Variants in DNAI4 observed in about 807,000 individuals in gnomAD.
DNAI4 encodes WD repeat domain 78.
In DNAI4, 85 loss-of-function variants were observed where a neutral mutation model predicts 105.8. That is an observed-to-expected ratio of 0.80 (90% CI 0.67 to 0.96). DNAI4 has a LOEUF of 0.96. DNAI4 is among the 40% of genes least tolerant of loss of function. The pLI is 0.00. For synonymous variants in DNAI4, 352 were observed against 331.5 expected (o/e 1.06, Z -0.67); for missense variants, 1,014 against 1,005.6 (o/e 1.01, Z -0.11).
chr1:66,869,757 A>G (rs1646802760), intron 6 of DNAI4, among the ~76,000 whole-genome samples: 1 of 152,194 alleles, frequency 6.6e-6, no homozygotes. Flanking sequence ...CCACAGGCCT[A>G]ACAATGTTGA....
chr1:66,826,905 C>T lies in DNAI4; in HGVS notation c.2254G>A (p.Asp752Asn), dbSNP rs375105342. The stretch of plus-strand genomic sequence containing the variant: ...GATGATTTTGGAGACCAGGCAACGT[C>T]GTAAACAACAGAAGTAGCTGGATAA... Reference protein sequence around the residue: ...SFYPATSVVYDVAWSPKSSYI... With the variant: ...SFYPATSVVYNVAWSPKSSYI... The change falls in exon 15 of 17, where the codon GAC (aspartate) becomes AAC (asparagine). Residue 752 changes from aspartate (D) to asparagine (N), a missense_variant. By Grantham distance (23) the Asp-to-Asn change is conservative. Coordinates refer to ENST00000371026, the MANE Select transcript of DNAI4 (RefSeq NM_024763.5). 36 of 1,614,018 alleles carry T rather than the reference C, an allele frequency of 2.2e-5. No individual in the cohort carries two copies. Among genetic ancestry groups the T allele is most frequent in the South Asian group, 3.3e-5 (3 of 91,090 alleles).
chr1:66,915,498 AAAT>A (rs1649998106), intron 1 of DNAI4, among the ~76,000 whole-genome samples: 1 of 152,224 alleles, frequency 6.6e-6, no homozygotes, highest in Non-Finnish European at 1.5e-5. Context: ...TAAACAATTA[AAAT>A]AATTAGGTAA....
intron 7 of DNAI4, among the ~76,000 whole-genome samples, chr1:66,853,783 T>C (rs1646444343): frequency 6.6e-6 from 1 of 152,184 alleles, no homozygotes; most frequent in Non-Finnish European, 1.5e-5. Context: ...GCAGAAAGAC[T>C]GAATTGTTTC....
At chr1:66,863,941 A>C (rs1389909717) in intron 6 of DNAI4, among the ~76,000 whole-genome samples, 2 of 152,190 alleles carry the variant, frequency 1.3e-5, no homozygotes, top group East Asian at 3.8e-4. Context: ...GAATTACTCA[A>C]CTTTCTTTTT....
chr1:66,905,733 T>C (rs990270134), intron 1 of DNAI4, among the ~76,000 whole-genome samples: 1 of 152,122 alleles, frequency 6.6e-6, no homozygotes, highest in Non-Finnish European at 1.5e-5. Flanking sequence ...AAAATGAGGA[T>C]AATAACAGTA....
intron 2 of DNAI4, among the ~76,000 whole-genome samples, chr1:66,897,372 G>T (rs922701835): frequency 1.1e-4 from 17 of 152,142 alleles, no homozygotes; most frequent in African/African-American, 3.4e-4. Context: ...TAATCAAAAG[G>T]GAAGCAAAGC....
intron 11 of DNAI4, among the ~76,000 whole-genome samples, chr1:66,835,206 A>AGATT (rs1173367026): frequency 8.4e-6 from 1 of 119,382 alleles, no homozygotes; most frequent in East Asian, 1.9e-4. Context: ...ATAGATAGAT[A>AGATT]GATAGATAGA....
At chr1:66,858,862 G>T (rs1051695439) in intron 7 of DNAI4, among the ~76,000 whole-genome samples, 1 of 152,080 alleles carries the variant, frequency 6.6e-6, no homozygotes, top group Non-Finnish European at 1.5e-5. Context: ...ACATAATGGT[G>T]AGAAACTGAA....
chr1:66,877,382 G>A lies in DNAI4; in HGVS notation c.644-2445C>T, dbSNP rs2991358. On this transcript the variant is annotated intron_variant, in intron 4 of 16. Transcript: ENST00000371026. ...AAACTCCTTCTAGTTATATGGTAAA[G>A]CAATGGTTCTCAAACTTTACCCTGC... Among the ~76,000 whole-genome samples, 1,202 of 152,272 alleles carry A rather than the reference G, an allele frequency of 7.9e-3. 14 individuals are homozygous for A. The highest frequency in any genetic ancestry group is 0.028 in the African/African-American group (1,156 of 41,544).
intron 16 of DNAI4, among the ~76,000 whole-genome samples, chr1:66,821,435 T>C (rs1645624194): frequency 6.6e-6 from 1 of 152,176 alleles, no homozygotes; most frequent in Non-Finnish European, 1.5e-5. Context: ...ATTCAGATTG[T>C]CAAATTGCTT....
intron 1 of DNAI4, chr1:66,906,839 T>C (rs889449633): frequency 6.6e-6 from 1 of 152,200 alleles, no homozygotes; most frequent in African/African-American, 2.4e-5. Flanking sequence ...CTCCTTTAAA[T>C]TCTTCTCCCA....
intron 2 of DNAI4, among the ~76,000 whole-genome samples, chr1:66,904,501 C>A (rs556794802): frequency 7.9e-5 from 12 of 152,162 alleles, no homozygotes; most frequent in African/African-American, 2.9e-4. Flanking sequence ...AGTGTTAGCT[C>A]AAGTATTTTG....
Position 66,869,933 on chromosome 1 carries a change from G to A in DNAI4, c.940+1437C>T, listed in dbSNP as rs530845739. Reference sequence around the variant, plus strand: ...TACCTCCACTCCTAAGTAGGAATGAGTGAGAGAATAGAAAGAGATGGAGAT... The same window carrying A: ...TACCTCCACTCCTAAGTAGGAATGAATGAGAGAATAGAAAGAGATGGAGAT... On this transcript the variant is annotated intron_variant, in intron 6 of 16. Transcript: ENST00000371026. Among the ~76,000 whole-genome samples, 34 of 152,314 alleles carry A rather than the reference G, an allele frequency of 2.2e-4. No homozygotes were observed. In the South Asian group the frequency reaches 6.6e-3, roughly 30 times the overall value.
intron 13 of DNAI4, among the ~76,000 whole-genome samples, chr1:66,832,583 A>G (rs1645890148): frequency 6.6e-6 from 1 of 152,156 alleles, no homozygotes; most frequent in South Asian, 2.1e-4. Flanking sequence ...AGAATGAATG[A>G]ATAATATCTA....
At chr1:66,825,630 ACTT>A (rs1408871857) in intron 15 of DNAI4, among the ~76,000 whole-genome samples, 1 of 152,218 alleles carries the variant, frequency 6.6e-6, no homozygotes, top group Non-Finnish European at 1.5e-5. Flanking sequence ...AAGTTTGCAT[ACTT>A]CTTTTAAAAA....
chr1:66,897,989 T>TAAAA (rs1324500749), intron 2 of DNAI4, among the ~76,000 whole-genome samples: 2 of 152,076 alleles, frequency 1.3e-5, no homozygotes, highest in Admixed American at 1.3e-4. Flanking sequence ...AGCTATACTG[T>TAAAA]AGACTGACCC....
At chr1:66,882,831 AT>A (rs1198499038) in intron 4 of DNAI4, among the ~76,000 whole-genome samples, 1 of 152,020 alleles carries the variant, frequency 6.6e-6, no homozygotes, top group African/African-American at 2.4e-5. Flanking sequence ...TACAAAAAAG[AT>A]TGCTGGGATT....
chr1:66,835,847 TG>T (rs1645974821), intron 10 of DNAI4, 70 bp from the exon 11 acceptor site: 7 of 1,442,840 alleles, frequency 4.9e-6, no homozygotes, highest in Non-Finnish European at 6.8e-6. Context: ...TAATGGTGGC[TG>T]AGATTTAGTT....
In DNAI4 at chr1:66,892,400, CAAA is replaced by C. The variant is rs1473838632; in HGVS notation, c.530+826_530+828del. Among the ~76,000 whole-genome samples the C allele has an allele frequency of 2.0e-5, 3 of 152,088 alleles. No homozygotes were observed. In the East Asian group the frequency reaches 5.8e-4, roughly 29 times the overall value. Reference sequence around the variant, plus strand: ...CCACCTCTTCCTGTAAAATGCAGCTCAAAAGAAGCTGAAGAAACCTGAAGAAAA... The same window carrying C: ...CCACCTCTTCCTGTAAAATGCAGCTCAGAAGCTGAAGAAACCTGAAGAAAA... On this transcript the variant is annotated intron_variant, in intron 3 of 16. Transcript: ENST00000371026.
Sources: gnomAD v4.1 joint callset for allele counts (sites outside exome capture counted in the v4.1 genomes callset) on GRCh38, gnomAD v4.1.1 for gene constraint, MANE v1.5 for transcripts, NCBI Gene and HGNC (gene_info 2026-07-23, HGNC 2026-07-21) for gene names.